Variants in THSD7B observed in about 807,000 individuals in gnomAD.
THSD7B encodes the protein thrombospondin type 1 domain containing 7B.
A neutral mutation model predicts 213.6 loss-of-function variants in THSD7B; 138 were observed. That is an observed-to-expected ratio of 0.65 (90% CI 0.56 to 0.74). The LOEUF (loss-of-function observed/expected upper bound fraction) is 0.74, where lower values mean the gene tolerates loss of function less well. Among genes scored for constraint, THSD7B ranks in the 30% least tolerant of loss-of-function variants. THSD7B has a pLI of 0.00. For missense variants in THSD7B, 1,931 were observed against 1,991.5 expected (o/e 0.97, Z 0.58); for synonymous variants, 742 against 687.0 (o/e 1.08, Z -1.25).
intron 21 of THSD7B, among the ~76,000 whole-genome samples, chr2:137,649,132 G>A (rs546351319): frequency 5.3e-5 from 8 of 152,028 alleles, no homozygotes; most frequent in African/African-American, 1.7e-4. Flanking sequence ...GGGGTTTTTT[G>A]CTGTTGAGTT....
At chr2:136,820,202 C>T (rs552839230) in intron 1 of THSD7B, among the ~76,000 whole-genome samples, 3 of 152,320 alleles carry the variant, frequency 2.0e-5, no homozygotes, top group South Asian at 4.1e-4. Context: ...ACACCTCAAA[C>T]GGTGCTGGAT....
At chr2:136,983,358 G>GACACACACACACACACACACCCACAC (rs778968995) in intron 2 of THSD7B, among the ~76,000 whole-genome samples, 1 of 105,028 alleles carries the variant, frequency 9.5e-6, no homozygotes, top group African/African-American at 3.2e-5. Context: ...CAGACACACA[G>GACACACACACACACACACACCCACAC]ACACACACAC....
chr2:137,590,537 A>T (rs1681840611), intron 17 of THSD7B, among the ~76,000 whole-genome samples: 1 of 152,122 alleles, frequency 6.6e-6, no homozygotes, highest in African/African-American at 2.4e-5. Context: ...GTTTGTGTAT[A>T]AGTGGATGAA....
At chr2:137,562,887 G>A (rs1409275680) in intron 15 of THSD7B, among the ~76,000 whole-genome samples, 1 of 152,202 alleles carries the variant, frequency 6.6e-6, no homozygotes, top group East Asian at 1.9e-4. Flanking sequence ...ATACAATTGA[G>A]AGCTGGACCA....
At chr2:136,990,121 A>G (rs984706994) in intron 2 of THSD7B, among the ~76,000 whole-genome samples, 7 of 152,240 alleles carry the variant, frequency 4.6e-5, no homozygotes, top group Admixed American at 3.9e-4. Flanking sequence ...TTAAGAACTG[A>G]GGCAACCGAG....
At chr2:137,193,576 G>T (rs1323903978) in intron 7 of THSD7B, among the ~76,000 whole-genome samples, 1 of 152,068 alleles carries the variant, frequency 6.6e-6, no homozygotes, top group Non-Finnish European at 1.5e-5. Context: ...GAGATAGTAG[G>T]CTCAGGTTCT....
intron 15 of THSD7B, among the ~76,000 whole-genome samples, chr2:137,485,363 T>G (rs1363303757): frequency 6.6e-6 from 1 of 151,894 alleles, no homozygotes; most frequent in African/African-American, 2.4e-5. Context: ...AGGGCTGTGT[T>G]CTGTTCCATT....
Position 137,038,184 on chromosome 2 carries a change from C to G in THSD7B, c.140-18236C>G, listed in dbSNP as rs555215098. On this transcript the variant is annotated intron_variant, in intron 2 of 27. Coordinates refer to ENST00000409968, the MANE Select transcript of THSD7B (RefSeq NM_001316349.2). ...ATGTCCCTGAAAGTTGTTGTATGTT[C>G]CTTTTACAAGAATGTTTCATGGTTT... Among the ~76,000 whole-genome samples the G allele has an allele frequency of 7.0e-4, 107 of 152,200 alleles. 3 individuals are homozygous for G. The Middle Eastern group carries it at 0.048, about 68-fold the overall frequency.
At chr2:136,769,337 C>T (rs1380115372) in intron 1 of THSD7B, among the ~76,000 whole-genome samples, 1 of 152,142 alleles carries the variant, frequency 6.6e-6, no homozygotes, top group Non-Finnish European at 1.5e-5. Flanking sequence ...GTTATTTTGC[C>T]AGGTTATAGT....
chr2:137,107,449 C>T (rs4954465), intron 4 of THSD7B, among the ~76,000 whole-genome samples: 151,276 of 152,296 alleles, frequency 0.99, 75,142 homozygotes, highest in Non-Finnish European at 1. Context: ...GATGGGTTGA[C>T]AGGTGCAGCA....
At chr2:136,831,613 T>A (rs1312832530) in intron 1 of THSD7B, among the ~76,000 whole-genome samples, 1 of 152,246 alleles carries the variant, frequency 6.6e-6, no homozygotes, top group Non-Finnish European at 1.5e-5. Context: ...TTACAATGTT[T>A]TGCCTAGTGA....
chr2:137,255,984 C>T (rs1346092609), intron 10 of THSD7B, among the ~76,000 whole-genome samples: 1 of 152,150 alleles, frequency 6.6e-6, no homozygotes, highest in East Asian at 1.9e-4. Context: ...AATGCCATTG[C>T]CTCAGAGTGT....
At chr2:137,383,189 C>T (rs998827305) in intron 12 of THSD7B, among the ~76,000 whole-genome samples, 4 of 152,220 alleles carry the variant, frequency 2.6e-5, no homozygotes, top group Admixed American at 2.0e-4. Flanking sequence ...TCCAACCAAG[C>T]ATGGGACAAA....
At chr2:137,662,788 C>T (rs571845283) in intron 25 of THSD7B, among the ~76,000 whole-genome samples, 10 of 152,206 alleles carry the variant, frequency 6.6e-5, no homozygotes, top group African/African-American at 2.4e-4. Context: ...GACATGGTGG[C>T]TCACACCTGT....
intron 15 of THSD7B, among the ~76,000 whole-genome samples, chr2:137,546,373 TATAATATATATA>T (rs1680712985): frequency 5.5e-5 from 3 of 55,012 alleles, no homozygotes; most frequent in East Asian, 9.8e-4. Flanking sequence ...TATATATATA[TATAATATATATA>T]TTATATATAT....
Position 136,803,593 on chromosome 2 carries a change from A to G in THSD7B, c.-36+37906A>G, listed in dbSNP as rs532838687. Reference sequence around the variant, plus strand: ...ATTAGATTATATATTTGTATTAATCAAGGTTCTTCAGAAAAACAGAACCAA... The same window carrying G: ...ATTAGATTATATATTTGTATTAATCGAGGTTCTTCAGAAAAACAGAACCAA... On this transcript the variant is annotated intron_variant, in intron 1 of 27. Transcript: ENST00000409968. 8.5e-5 allele frequency among the ~76,000 whole-genome samples: 13 copies of G among 152,346 alleles called. No individual in the cohort carries two copies. The South Asian group carries it at 2.5e-3, about 29-fold the overall frequency.
At chr2:136,774,488 A>G (rs1681566144) in intron 1 of THSD7B, among the ~76,000 whole-genome samples, 4 of 152,096 alleles carry the variant, frequency 2.6e-5, no homozygotes, top group African/African-American at 9.7e-5. Context: ...AGAATGTGAC[A>G]TTCCTTTCAT....
At chr2:137,511,884 C>G (rs557543608) in intron 15 of THSD7B, among the ~76,000 whole-genome samples, 2 of 152,240 alleles carry the variant, frequency 1.3e-5, no homozygotes, top group South Asian at 4.2e-4. Flanking sequence ...ACTTAAATTT[C>G]TTATTCCTTT....
At chr2:137,041,288 G>A (rs1686877378) in intron 2 of THSD7B, among the ~76,000 whole-genome samples, 2 of 152,136 alleles carry the variant, frequency 1.3e-5, no homozygotes, top group African/African-American at 4.8e-5. Flanking sequence ...AGAAGCAGAA[G>A]TCTCCTTGAG....
Sources: allele counts gnomAD v4.1 joint callset (sites outside exome capture counted in the v4.1 genomes callset), GRCh38; gene constraint gnomAD v4.1.1; transcripts MANE v1.5; gene names NCBI Gene and HGNC (gene_info 2026-07-23, HGNC 2026-07-21).